The following LRFN2 variants were observed in gnomAD, a reference collection of about 807,000 sequenced individuals.
The protein encoded by LRFN2 is leucine-rich repeat and fibronectin type-III domain-containing protein 2.
LRFN2 carries 18 observed loss-of-function variants against 37.3 expected under a neutral mutation model. The ratio of observed to expected loss-of-function variants is 0.48; its 90% CI spans 0.33 to 0.72. The LOEUF is 0.72. LRFN2 is among the 30% of genes least tolerant of loss of function. The pLI is 0.02. For synonymous variants in LRFN2, 556 were observed against 466.6 expected, an observed-to-expected ratio of 1.19 and a Z score of -2.47; for missense variants, 1,006 against 1,060.7, an observed-to-expected ratio of 0.95 and a Z score of 0.72.
intron 1 of LRFN2, among the ~76,000 whole-genome samples, chr6:40,574,770 C>T (rs1767246921): frequency 6.6e-6 from 1 of 152,166 alleles, no homozygotes; most frequent in South Asian, 2.1e-4. Context: ...GAGCAAGCTT[C>T]ACTTCACAGC....
intron 1 of LRFN2, among the ~76,000 whole-genome samples, chr6:40,480,032 T>G (rs1764791708): frequency 6.6e-6 from 1 of 152,266 alleles, no homozygotes; most frequent in Non-Finnish European, 1.5e-5. Context: ...TACGAAATCC[T>G]CATGGCCTAG....
rs376487545 is a variant in LRFN2 at position 40,432,255 on chromosome 6, C to T, written c.859G>A (p.Glu287Lys). Reference sequence around the variant, plus strand: ...GTGTGCTGGGTGATGAGAGGCGGCTCGCACACAAACTCCTCCTCACGCACA... The same window carrying T: ...GTGTGCTGGGTGATGAGAGGCGGCTTGCACACAAACTCCTCCTCACGCACA... ...WHVREEEFVC[E>K]PPLITQHTHK... Residue 287 changes from glutamate to lysine, a missense_variant, in exon 2 of 3, where the codon GAG (glutamate) becomes AAG (lysine). Physicochemically the swap from Glu to Lys is moderately conservative, Grantham distance 56. This residue lies in a region of LRFN2 where 303 missense variants were observed against 299.8 expected (regional missense o/e 1.01). Transcript: ENST00000338305. 1.2e-5 allele frequency: 19 copies of T among 1,613,864 alleles called. No homozygotes were observed. Among genetic ancestry groups the T allele is most frequent in the Non-Finnish European group, 1.5e-5 (18 of 1,180,024 alleles).
At chr6:40,520,140 T>A (rs1420313414) in intron 1 of LRFN2, among the ~76,000 whole-genome samples, 1 of 152,062 alleles carries the variant, frequency 6.6e-6, no homozygotes, top group Non-Finnish European at 1.5e-5. Flanking sequence ...TTTTACGTAA[T>A]CTAGTGATGA....
chr6:40,498,654 A>G (rs1765295028), intron 1 of LRFN2, among the ~76,000 whole-genome samples: 1 of 152,116 alleles, frequency 6.6e-6, no homozygotes, highest in South Asian at 2.1e-4. Flanking sequence ...CGCCCAGCCC[A>G]CTCTGCGACA....
chr6:40,500,517 G>C (rs145687442), intron 1 of LRFN2, among the ~76,000 whole-genome samples: 71 of 152,324 alleles, frequency 4.7e-4, no homozygotes, highest in Admixed American at 9.8e-4. Context: ...CTTCCTTAAA[G>C]ATTCTGGAGA....
intron 1 of LRFN2, among the ~76,000 whole-genome samples, chr6:40,520,089 A>C (rs1766012194): frequency 1.3e-5 from 2 of 152,182 alleles, no homozygotes; most frequent in Admixed American, 6.5e-5. Flanking sequence ...CAGGGGAAGC[A>C]GTTCAGGCCT....
In LRFN2 at chr6:40,418,042, G is replaced by A. The variant is rs115815600; in HGVS notation, c.1400+13672C>T. Reference sequence around the variant, plus strand: ...AATCTCCCCAGCCCCAGCCCCAGAGGTTTCCGTCTCATTCAAGATAAAATC... The same window carrying A: ...AATCTCCCCAGCCCCAGCCCCAGAGATTTCCGTCTCATTCAAGATAAAATC... On this transcript the variant is annotated intron_variant, in intron 2 of 2. Coordinates refer to ENST00000338305, the MANE Select transcript of LRFN2 (RefSeq NM_020737.3). 9.0e-3 allele frequency among the ~76,000 whole-genome samples: 1,375 copies of A among 152,212 alleles called. 19 individuals carry two copies. Among genetic ancestry groups the A allele is most frequent in the African/African-American group, 0.03 (1,259 of 41,522 alleles).
At chr6:40,517,649 A>C (rs2255729) in intron 1 of LRFN2, 87,509 of 151,994 alleles carry the variant, frequency 0.58, 25,568 homozygotes, top group Middle Eastern at 0.68. Flanking sequence ...TGCCTCCCTA[A>C]CACCTGTGTA....
intron 1 of LRFN2, among the ~76,000 whole-genome samples, chr6:40,500,389 T>C (rs1765347353): frequency 6.6e-6 from 1 of 152,204 alleles, no homozygotes; most frequent in Non-Finnish European, 1.5e-5. Context: ...ATCTGCTTCC[T>C]CCCTATCACT....
At chr6:40,444,464 T>G (rs888316307) in intron 1 of LRFN2, among the ~76,000 whole-genome samples, 34 of 152,296 alleles carry the variant, frequency 2.2e-4, no homozygotes, top group African/African-American at 7.7e-4. Context: ...GACAGCACAT[T>G]TAAATTTTTA....
At chr6:40,527,173 C>CA (rs1444549003) in intron 1 of LRFN2, among the ~76,000 whole-genome samples, 1 of 152,212 alleles carries the variant, frequency 6.6e-6, no homozygotes, top group African/African-American at 2.4e-5. Context: ...ATCTTCTTTG[C>CA]ACTGGAGAGC....
chr6:40,392,634 C>T lies in LRFN2; in HGVS notation c.1679G>A (p.Cys560Tyr). 1 of 1,612,078 alleles carries T rather than the reference C, an allele frequency of 6.2e-7. No homozygotes were observed. Among genetic ancestry groups the T allele is most frequent in the Non-Finnish European group, 8.5e-7 (1 of 1,180,002 alleles). The stretch of plus-strand genomic sequence containing the variant: ...CATCTTGCTGGGGGCCTCGTGGTTG[C>T]AGACCTTGTAGCGCACCATGAGGAT... The part of the protein sequence containing the change: ...IVILMVRYKV[C>Y]NHEAPSKMAA... The change falls in exon 3 of 3, where the codon TGC becomes TAC. Residue 560 changes from cysteine (C) to tyrosine (Y), a missense_variant. Around this residue, in one of 4 missense-constraint regions of LRFN2, gnomAD observed 398 missense variants for 327.6 expected, o/e 1.21. Coordinates refer to ENST00000338305, the MANE Select transcript of LRFN2 (RefSeq NM_020737.3). This position sits in a 1 kb window ranked among gnomAD's most constrained non-coding sequence, Gnocchi z 4.7.
At chr6:40,584,462 AC>A (rs1214125302) in intron 1 of LRFN2, among the ~76,000 whole-genome samples, 1 of 152,042 alleles carries the variant, frequency 6.6e-6, no homozygotes, top group Non-Finnish European at 1.5e-5. Context: ...CTAAAACTCC[AC>A]CCCTACCCAA....
intron 2 of LRFN2, among the ~76,000 whole-genome samples, chr6:40,402,023 G>A (rs1162454596): frequency 6.6e-6 from 1 of 152,092 alleles, no homozygotes; most frequent in African/African-American, 2.4e-5. Flanking sequence ...TACATGACAT[G>A]GCCTCATTAA....
chr6:40,450,056 G>A (rs986312082), intron 1 of LRFN2, among the ~76,000 whole-genome samples: 1 of 152,130 alleles, frequency 6.6e-6, no homozygotes, highest in African/African-American at 2.4e-5. Context: ...ACAGACGCAG[G>A]GAACTAGAAA....
chr6:40,453,081 C>G (rs1235796205), intron 1 of LRFN2, among the ~76,000 whole-genome samples: 1 of 152,182 alleles, frequency 6.6e-6, no homozygotes, highest in African/African-American at 2.4e-5. Flanking sequence ...CTATGGCACC[C>G]TGCTTCAGGC....
intron 1 of LRFN2, among the ~76,000 whole-genome samples, chr6:40,528,793 T>C (rs949639448): frequency 8.5e-5 from 13 of 152,180 alleles, no homozygotes; most frequent in African/African-American, 2.9e-4. Context: ...TATTCCTTCT[T>C]TCTCCCTTTC....
intron 1 of LRFN2, among the ~76,000 whole-genome samples, chr6:40,505,428 C>T (rs1216283835): frequency 6.6e-6 from 1 of 152,236 alleles, no homozygotes; most frequent in African/African-American, 2.4e-5. Context: ...TGTAATTTCG[C>T]TCCATGACGC....
At chr6:40,453,513 AACAC>A (rs5875719) in intron 1 of LRFN2, among the ~76,000 whole-genome samples, 5,638 of 119,698 alleles carry the variant, frequency 0.047, 241 homozygotes, top group African/African-American at 0.12. Context: ...CCCCAAGCCA[AACAC>A]ACACACACAC....
Sources: gnomAD v4.1 joint callset for allele counts (sites outside exome capture counted in the v4.1 genomes callset) on GRCh38, gnomAD v4.1.1 for gene constraint, gnomAD v4.1.1 regional missense constraint, Gnocchi (gnomAD v3.1) non-coding constraint, MANE v1.5 for transcripts, NCBI Gene and HGNC (gene_info 2026-07-23, HGNC 2026-07-21) for gene names.